Variants in ALPK2 observed in about 807,000 individuals in gnomAD.
The protein encoded by ALPK2 is alpha kinase 2.
In ALPK2, 127 loss-of-function variants were observed where a neutral mutation model predicts 163.1. The observed-to-expected ratio is 0.78, with a 90% CI of 0.67 to 0.90. ALPK2 has a LOEUF of 0.90. Ranked by LOEUF, ALPK2 falls within the 40% of genes least tolerant of loss-of-function variation. The probability of loss-of-function intolerance (pLI) is 0.00; values close to 1 mark genes in which losing one functional copy is unlikely to be tolerated. For missense variants in ALPK2, 2,360 were observed against 2,589.6 expected (o/e 0.91, Z 1.92); for synonymous variants, 953 against 959.1 (o/e 0.99, Z 0.12).
Position 58,536,324 on chromosome 18 carries a change from A to G in ALPK2, c.3863T>C (p.Leu1288Ser), listed in dbSNP as rs35882005. The change falls in exon 5 of 13, where the codon TTG becomes TCG. Residue 1288 changes from leucine (L) to serine (S), a missense_variant. Transcript: ENST00000361673. ...CAATGCTGCTATTTCAGAGGGGGCC[A>G]ATTCAGGCACAACAGCATCTGCCTT... ...SLKADAVVPE[L>S]APSEIAALAH... 97 of 1,614,214 alleles carry G rather than the reference A, an allele frequency of 6.0e-5. No individual in the cohort carries two copies. In the East Asian group the frequency reaches 1.1e-3, roughly 18 times the overall value.
chr18:58,536,605 G>A lies in ALPK2; in HGVS notation c.3582C>T (p.Ser1194=), dbSNP rs17065139. The part of the protein sequence containing the change: ...GQRSGWGTRV[S]VVAETAGEED... ...CTTCCCCAGCAGTTTCAGCCACCACGGAGACCCTCGTCCCCCAACCTGAGC... is the reference window on the plus strand; with the variant it reads ...CTTCCCCAGCAGTTTCAGCCACCACAGAGACCCTCGTCCCCCAACCTGAGC... Residue 1194 remains serine, a synonymous_variant, in exon 5 of 13, where the codon TCC becomes TCT. Coordinates refer to ENST00000361673, the MANE Select transcript of ALPK2 (RefSeq NM_052947.4). The A allele has an allele frequency of 0.025, 40,593 of 1,614,038 alleles. 862 individuals are homozygous for A. Among genetic ancestry groups the A allele is most frequent in the African/African-American group, 0.11 (7,995 of 74,980 alleles).
chr18:58,602,505 A>G (rs4940730), intron 3 of ALPK2, among the ~76,000 whole-genome samples: 73,136 of 151,842 alleles, frequency 0.48, 17,649 homozygotes, highest in East Asian at 0.6. Flanking sequence ...AATTTTTGGC[A>G]TGTCTCGGCT....
At chr18:58,586,886 T>C (rs189960147) in intron 3 of ALPK2, among the ~76,000 whole-genome samples, 231 of 151,444 alleles carry the variant, frequency 1.5e-3, no homozygotes, top group Admixed American at 2.2e-3. Flanking sequence ...GCCCATGGGG[T>C]CATTGAAAAG....
At chr18:58,563,955 C>T (rs1427298255) in intron 4 of ALPK2, among the ~76,000 whole-genome samples, 2 of 152,042 alleles carry the variant, frequency 1.3e-5, no homozygotes, top group Non-Finnish European at 2.9e-5. Context: ...CTCTTGCCAG[C>T]AGTGTAAGAG....
intron 4 of ALPK2, among the ~76,000 whole-genome samples, chr18:58,553,162 C>G (rs112709631): frequency 2.6e-5 from 4 of 152,182 alleles, no homozygotes; most frequent in Non-Finnish European, 5.9e-5. Flanking sequence ...CCAGGGAAAA[C>G]CAATACTGCC....
chr18:58,486,310 T>C (rs11152078), intron 12 of ALPK2, among the ~76,000 whole-genome samples: 77,304 of 151,724 alleles, frequency 0.51, 21,063 homozygotes, highest in East Asian at 0.83. Context: ...TCTCAGCCCT[T>C]AGCTACCTTC....
chr18:58,578,738 A>ACACACGCGCGCGCGCGCACG, intron 4 of ALPK2, 76 bp downstream of exon 4: 1 of 936,568 alleles, frequency 1.1e-6, no homozygotes, highest in Non-Finnish European at 1.6e-6. Context: ...GAAGAGACAC[A>ACACACGCGCGCGCGCGCACG]CACACACACA....
intron 2 of ALPK2, 55 bp downstream of exon 2, chr18:58,611,634 A>G (rs1482213443): frequency 2.7e-6 from 4 of 1,489,344 alleles, no homozygotes; most frequent in African/African-American, 2.8e-5. Context: ...TGAGCCAAGA[A>G]ACCTGGTATG....
At chr18:58,482,119 A>T in intron 12 of ALPK2, 80 bp from the exon 13 acceptor site, 1 of 1,018,260 alleles carries the variant, frequency 9.8e-7, no homozygotes, top group Non-Finnish European at 1.5e-6. Flanking sequence ...CTTGAAAGGG[A>T]AAACTAATGG....
At chr18:58,598,150 C>T (rs979354926) in intron 3 of ALPK2, among the ~76,000 whole-genome samples, 23 of 152,244 alleles carry the variant, frequency 1.5e-4, no homozygotes, top group Non-Finnish European at 3.2e-4. Context: ...TCACGGACCA[C>T]GCCCATTCTC....
intron 12 of ALPK2, among the ~76,000 whole-genome samples, chr18:58,492,634 GTTCTCTC>G (rs1450577598): frequency 6.6e-6 from 1 of 152,156 alleles, no homozygotes; most frequent in African/African-American, 2.4e-5. Flanking sequence ...TTCTCTAGAC[GTTCTCTC>G]TGTTCAGATT....
intron 12 of ALPK2, among the ~76,000 whole-genome samples, chr18:58,484,821 T>C (rs12606449): frequency 0.25 from 37,742 of 152,106 alleles, 6,578 homozygotes; most frequent in East Asian, 0.76. Flanking sequence ...ATAGAAACCA[T>C]GTAGCTCAGG....
chr18:58,535,791 T>G lies in ALPK2; in HGVS notation c.4396A>C (p.Arg1466=). The G allele has an allele frequency of 6.2e-7, 1 of 1,614,266 alleles. No individual in the cohort carries two copies. The change falls in exon 5 of 13, where the codon AGA becomes CGA. Residue 1466 remains arginine, a synonymous_variant. Transcript: ENST00000361673. ...CTGCCTTCTTGGCTTCTGCTGATTCTATTTTCACTCAGAATGGTTCCCTGG... is the reference window on the plus strand; with the variant it reads ...CTGCCTTCTTGGCTTCTGCTGATTCGATTTTCACTCAGAATGGTTCCCTGG... ...CLQGTILSEN[R]ISRSQEGSMK...
intron 4 of ALPK2, among the ~76,000 whole-genome samples, chr18:58,574,280 TAAAAAA>T (rs11345187): frequency 7.5e-6 from 1 of 132,526 alleles, no homozygotes; most frequent in African/African-American, 2.8e-5. Flanking sequence ...CTGTCTCTAC[TAAAAAA>T]AAAAAAACAA....
At chr18:58,517,637 C>A (rs1052211061) in intron 8 of ALPK2, among the ~76,000 whole-genome samples, 1 of 148,340 alleles carries the variant, frequency 6.7e-6, no homozygotes, top group Non-Finnish European at 1.5e-5. Context: ...GTTTTAATTG[C>A]CTGCCATGAA....
At chr18:58,573,613 C>CTTTTTTTTTTTTTGTTTTTTTT (rs2051902563) in intron 4 of ALPK2, among the ~76,000 whole-genome samples, 1 of 51,732 alleles carries the variant, frequency 1.9e-5, no homozygotes, top group Non-Finnish European at 3.2e-5. Flanking sequence ...TTTTTGTCTT[C>CTTTTTTTTTTTTTGTTTTTTTT]TTTTTTTTTT....
In ALPK2 at chr18:58,580,347, C is replaced by T; in HGVS notation, c.429G>A (p.Lys143=). 2 of 1,614,126 alleles carry T rather than the reference C, an allele frequency of 1.2e-6. No homozygotes were observed. The highest frequency in any genetic ancestry group is 1.7e-6 in the Non-Finnish European group (2 of 1,180,026). ...TTTCTTCTTCCTTATAAGGATGTTC[C>T]TTCTCATCAATCTGATTTGCCCTTT... The part of the protein sequence containing the change: ...EEERANQIDE[K]EHPYKEEESI... The change falls in exon 4 of 13, where the codon AAG becomes AAA. Residue 143 remains lysine (K), a synonymous_variant. Coordinates refer to ENST00000361673, the MANE Select transcript of ALPK2 (RefSeq NM_052947.4).
chr18:58,568,754 A>G (rs2051869908), intron 4 of ALPK2, among the ~76,000 whole-genome samples: 1 of 152,192 alleles, frequency 6.6e-6, no homozygotes, highest in South Asian at 2.1e-4. Flanking sequence ...ACATTGTATT[A>G]GGTGTTATAA....
At chr18:58,574,891 A>G (rs976921685) in intron 4 of ALPK2, among the ~76,000 whole-genome samples, 2 of 152,188 alleles carry the variant, frequency 1.3e-5, no homozygotes, top group Non-Finnish European at 2.9e-5. Flanking sequence ...TAAAGGCCAT[A>G]AAGTGGTGGA....
Sources: allele counts gnomAD v4.1 joint callset (sites outside exome capture counted in the v4.1 genomes callset), GRCh38; gene constraint gnomAD v4.1.1; transcripts MANE v1.5; gene names NCBI Gene and HGNC (gene_info 2026-07-23, HGNC 2026-07-21).